The following TAFA2 variants were observed in gnomAD, a reference collection of about 807,000 sequenced individuals.
TAFA2 encodes the protein chemokine-like protein TAFA-2.
In TAFA2, 7 loss-of-function variants were observed where a neutral mutation model predicts 18.8. The ratio of observed to expected loss-of-function variants is 0.37; its 90% CI spans 0.21 to 0.70. The LOEUF is 0.70. TAFA2 is among the 30% of genes least tolerant of loss of function. TAFA2 has a pLI of 0.53. For synonymous variants in TAFA2, 60 were observed against 54.2 expected, an observed-to-expected ratio of 1.11 and a Z score of -0.47; for missense variants, 122 against 158.1, an observed-to-expected ratio of 0.77 and a Z score of 1.23.
intron 1 of TAFA2, among the ~76,000 whole-genome samples, chr12:61,930,448 CTT>C (rs1877509736): frequency 6.6e-6 from 1 of 152,192 alleles, no homozygotes; most frequent in African/African-American, 2.4e-5. Context: ...TGCTTAAAAA[CTT>C]TACATGGATT....
chr12:62,175,580 TG>T (rs1378286279), intron 1 of TAFA2, among the ~76,000 whole-genome samples: 1 of 152,152 alleles, frequency 6.6e-6, no homozygotes, highest in African/African-American at 2.4e-5. Context: ...ATTTTCACTT[TG>T]CCACATCTTC....
At chr12:61,941,406 C>G (rs1432867662) in intron 1 of TAFA2, among the ~76,000 whole-genome samples, 1 of 152,108 alleles carries the variant, frequency 6.6e-6, no homozygotes, top group Non-Finnish European at 1.5e-5. Flanking sequence ...ATAGGGTAGG[C>G]AAAACAAGAT....
At chr12:61,962,897 C>T (rs58274006) in intron 1 of TAFA2, among the ~76,000 whole-genome samples, 11,158 of 151,976 alleles carry the variant, frequency 0.073, 1,339 homozygotes, top group African/African-American at 0.25. Context: ...TGTCCCTCCC[C>T]TAGCCCCCCA....
chr12:61,926,959 C>G (rs2121382362), intron 1 of TAFA2, among the ~76,000 whole-genome samples: 2 of 151,620 alleles, frequency 1.3e-5, no homozygotes, highest in African/African-American at 4.8e-5. Context: ...CCTGTAGTCC[C>G]AGCTACTCGG....
chr12:62,160,605 T>C (rs1464228244), intron 1 of TAFA2, among the ~76,000 whole-genome samples: 1 of 152,204 alleles, frequency 6.6e-6, no homozygotes, highest in African/African-American at 2.4e-5. Flanking sequence ...CCCCAAGTCA[T>C]GCAAAGTCAT....
At chr12:61,899,577 C>G (rs141634499) in intron 1 of TAFA2, among the ~76,000 whole-genome samples, 1 of 152,074 alleles carries the variant, frequency 6.6e-6, no homozygotes, top group South Asian at 2.1e-4. Flanking sequence ...CTCACTATCA[C>G]GAGAACAACA....
At chr12:62,154,418 TAAC>T (rs2062353996) in intron 1 of TAFA2, among the ~76,000 whole-genome samples, 2 of 152,176 alleles carry the variant, frequency 1.3e-5, no homozygotes, top group Non-Finnish European at 2.9e-5. Flanking sequence ...CTACCCCTGA[TAAC>T]AAGGGAAGTT....
chr12:62,201,104 C>T (rs57609565), intron 1 of TAFA2, among the ~76,000 whole-genome samples: 8,426 of 151,940 alleles, frequency 0.055, 282 homozygotes, highest in African/African-American at 0.085. Context: ...ATCCTGAGAC[C>T]GCTGAATTTG....
Position 61,708,765 on chromosome 12 carries a change from C to T in TAFA2, c.*1641G>A, listed in dbSNP as rs977878810. ...CAGATTTTATTTTTAACCAATTTTA[C>T]ATTTTTAGTTGCTCTTCCCAGGAAA... On this transcript the variant is annotated 3_prime_UTR_variant, in exon 5 of 5. Coordinates refer to ENST00000416284, the MANE Select transcript of TAFA2 (RefSeq NM_178539.5). 6.6e-6 allele frequency: 1 copy of T among 152,054 alleles called. No individual in the cohort carries two copies. Among genetic ancestry groups the T allele is most frequent in the Admixed American group, 6.6e-5 (1 of 15,250 alleles). The allele number at this position is 152,054 out of a possible 1,614,324, so 9.4% of individuals were successfully genotyped here.
chr12:62,198,150 A>T (rs1276995360), intron 1 of TAFA2: 1 of 152,120 alleles, frequency 6.6e-6, no homozygotes, highest in Non-Finnish European at 1.5e-5. Flanking sequence ...TCCCCACAAC[A>T]TCTCATAAAG....
intron 2 of TAFA2, among the ~76,000 whole-genome samples, chr12:61,783,378 T>A (rs1480461495): frequency 2.0e-5 from 3 of 151,666 alleles, no homozygotes; most frequent in Non-Finnish European, 3.0e-5. Flanking sequence ...CAACTTTATT[T>A]CTGGTAATAA....
chr12:62,007,399 C>A (rs1880590381), intron 1 of TAFA2, among the ~76,000 whole-genome samples: 1 of 152,102 alleles, frequency 6.6e-6, no homozygotes, highest in Non-Finnish European at 1.5e-5. Flanking sequence ...TCTGTATCTT[C>A]CCACGAGGAA....
chr12:62,226,804 G>C (rs1428179346), intron 1 of TAFA2, among the ~76,000 whole-genome samples: 1 of 152,044 alleles, frequency 6.6e-6, no homozygotes, highest in Non-Finnish European at 1.5e-5. Flanking sequence ...ACAATCAAAT[G>C]GTGCCAGTTT....
intron 4 of TAFA2, chr12:61,720,908 G>C (rs1456756961): frequency 3.9e-6 from 2 of 517,918 alleles, no homozygotes; most frequent in Non-Finnish European, 7.7e-6. Context: ...CGAACTTGAA[G>C]AGTTTTACAC....
At position 61,998,686 on chromosome 12, in the gene TAFA2, A is replaced by C. The variant is rs528800798; in HGVS notation, c.-1-131260T>G. 3.6e-4 allele frequency among the ~76,000 whole-genome samples: 55 copies of C among 152,202 alleles called. 1 individual carries two copies. The highest frequency in any genetic ancestry group is 7.2e-4 in the Non-Finnish European group (49 of 68,024). Reference sequence around the variant, plus strand: ...CCATGAAGTCTGGCTCCATACTCTCAACCACTGTAAATATCACCTTGTAAT... The same window carrying C: ...CCATGAAGTCTGGCTCCATACTCTCCACCACTGTAAATATCACCTTGTAAT... On this transcript the variant is annotated intron_variant, in intron 1 of 4. Transcript: ENST00000416284.
At chr12:62,163,049 T>C (rs1282057226) in intron 1 of TAFA2, among the ~76,000 whole-genome samples, 1 of 152,046 alleles carries the variant, frequency 6.6e-6, no homozygotes, top group Non-Finnish European at 1.5e-5. Context: ...AGTCTAATCA[T>C]ATTAAAATAT....
intron 1 of TAFA2, among the ~76,000 whole-genome samples, chr12:61,937,604 T>C (rs1877823112): frequency 6.6e-6 from 1 of 152,102 alleles, no homozygotes; most frequent in South Asian, 2.1e-4. Context: ...GATAGCCACA[T>C]GTAGAAGAAT....
chr12:62,197,944 T>G (rs896675070), intron 1 of TAFA2, among the ~76,000 whole-genome samples: 2 of 152,218 alleles, frequency 1.3e-5, no homozygotes, highest in Non-Finnish European at 2.9e-5. Context: ...AACCTATGTT[T>G]TCATTGCTCT....
intron 4 of TAFA2, among the ~76,000 whole-genome samples, chr12:61,711,879 G>T (rs1024117217): frequency 6.6e-6 from 1 of 152,000 alleles, no homozygotes; most frequent in Admixed American, 6.6e-5. Context: ...GGGAGCAGGA[G>T]ATATCTTAGG....
Sources: allele counts gnomAD v4.1 joint callset (sites outside exome capture counted in the v4.1 genomes callset), GRCh38; gene constraint gnomAD v4.1.1; transcripts MANE v1.5; gene names NCBI Gene and HGNC (gene_info 2026-07-23, HGNC 2026-07-21).